The following C10orf71 variants were observed in gnomAD, a reference collection of about 807,000 sequenced individuals.
The protein encoded by C10orf71 is chromosome 10 open reading frame 71.
For missense variants in C10orf71, 1,869 were observed against 1,804.5 expected (o/e 1.04, Z -0.65); for synonymous variants, 758 against 726.3 (o/e 1.04, Z -0.70).
intron 1 of C10orf71, among the ~76,000 whole-genome samples, chr10:49,299,841 C>T (rs1350178826): frequency 6.6e-6 from 1 of 152,172 alleles, no homozygotes; most frequent in Non-Finnish European, 1.5e-5. Context: ...TCCCCCAGCG[C>T]TGGGCCAGGC....
chr10:49,319,920 A>T (rs541318392), intron 2 of C10orf71, among the ~76,000 whole-genome samples: 1 of 152,054 alleles, frequency 6.6e-6, no homozygotes, highest in African/African-American at 2.4e-5. Context: ...TTGCACTTTT[A>T]TGAGCTTCCT....
chr10:49,314,431 A>G (rs1221393241), intron 1 of C10orf71, among the ~76,000 whole-genome samples: 2 of 152,190 alleles, frequency 1.3e-5, no homozygotes, highest in Non-Finnish European at 2.9e-5. Flanking sequence ...AAAGTGCTCT[A>G]TGAGCAAGAA....
Position 49,323,076 on chromosome 10 carries a change from T to C in C10orf71, c.531T>C (p.Ala177=). 2 of 1,613,924 alleles carry C rather than the reference T, an allele frequency of 1.2e-6. No individual in the cohort carries two copies. Among genetic ancestry groups the C allele is most frequent in the South Asian group, 1.1e-5 (1 of 91,082 alleles). Residue 177 remains alanine, a synonymous_variant, in exon 3 of 3, where the codon GCT becomes GCC. Coordinates refer to ENST00000374144, the MANE Select transcript of C10orf71 (RefSeq NM_001135196.2). ...CTCTGAAAAATCCTCCCAAATTCGC[T>C]CCTCTTCCAGAAAACAGTGTCAACT... The part of the protein sequence containing the change: ...PPALKNPPKF[A]PLPENSVNFC...
chr10:49,304,820 T>A (rs1452082154), intron 1 of C10orf71, among the ~76,000 whole-genome samples: 26 of 152,196 alleles, frequency 1.7e-4, no homozygotes, highest in Admixed American at 1.7e-3. Flanking sequence ...AGCCCTCAAG[T>A]GGGCTTCTGT....
chr10:49,322,268 T>C (rs1260183670), intron 2 of C10orf71, 134 bp from the exon 3 acceptor site: 4 of 365,574 alleles, frequency 1.1e-5, no homozygotes, highest in South Asian at 7.8e-5. Flanking sequence ...GTCTACAGTC[T>C]ATACATATAG....
At chr10:49,315,774 G>A (rs748975954) in intron 1 of C10orf71, among the ~76,000 whole-genome samples, 1 of 152,140 alleles carries the variant, frequency 6.6e-6, no homozygotes, top group Non-Finnish European at 1.5e-5. Flanking sequence ...AGATACTTTG[G>A]GTCAGGCATG....
chr10:49,325,832 C>A lies in C10orf71; in HGVS notation c.3287C>A (p.Ala1096Asp). ...PELLPEEPNQ[A>D]SPWASSSPAR... ...CTGCTTCCCGAGGAGCCTAATCAAG[C>A]CAGCCCCTGGGCCAGCTCCAGTCCT... Residue 1096 changes from alanine (A) to aspartate (D), a missense_variant, in exon 3 of 3, where the codon GCC becomes GAC. Coordinates refer to ENST00000374144, the MANE Select transcript of C10orf71 (RefSeq NM_001135196.2). The A allele has an allele frequency of 3.2e-6, 5 of 1,551,430 alleles. No individual in the cohort carries two copies. The highest frequency in any genetic ancestry group is 4.4e-6 in the Non-Finnish European group (5 of 1,146,858).
At chr10:49,319,829 G>T (rs558188391) in intron 2 of C10orf71, among the ~76,000 whole-genome samples, 2 of 151,076 alleles carry the variant, frequency 1.3e-5, no homozygotes, top group South Asian at 4.2e-4. Flanking sequence ...TGAAATTCTG[G>T]CACATGCTAC....
Position 49,326,091 on chromosome 10 carries a change from G to A in C10orf71, c.3546G>A (p.Arg1182=), listed in dbSNP as rs761482748. The change falls in exon 3 of 3, where the codon CGG becomes CGA. Residue 1182 remains arginine (R), a synonymous_variant. Coordinates refer to ENST00000374144, the MANE Select transcript of C10orf71 (RefSeq NM_001135196.2). Reference sequence around the variant, plus strand: ...CACCCAAAACAGAGAAAGCCCTGCGGCGGGCAAAGAAGCTGGCAAGTAAGA... The same window carrying A: ...CACCCAAAACAGAGAAAGCCCTGCGACGGGCAAAGAAGCTGGCAAGTAAGA... The part of the protein sequence containing the change: ...AVPPKTEKAL[R]RAKKLASKRR... 37 of 1,551,626 alleles carry A rather than the reference G, an allele frequency of 2.4e-5. No individual in the cohort carries two copies.
chr10:49,322,850 T>C lies in C10orf71; in HGVS notation c.305T>C (p.Leu102Pro). Residue 102 changes from leucine (L) to proline (P), a missense_variant, in exon 3 of 3, where the codon CTA becomes CCA. Transcript: ENST00000374144. Reference sequence around the variant, plus strand: ...GGCTGGGCGGCCACCTTCCAACAGCTACCCAAGTACGTTCAGGGAGAGGAA... The same window carrying C: ...GGCTGGGCGGCCACCTTCCAACAGCCACCCAAGTACGTTCAGGGAGAGGAA... ...HSGWAATFQQLPKYVQGEEKY... is the reference protein window; with the variant it reads ...HSGWAATFQQPPKYVQGEEKY... 6.2e-7 allele frequency: 1 copy of C among 1,613,852 alleles called. No individual in the cohort carries two copies. The highest frequency in any genetic ancestry group is 8.5e-7 in the Non-Finnish European group (1 of 1,179,860).
rs1240156381 is a variant in C10orf71 at position 49,325,331 on chromosome 10, G to T, written c.2786G>T (p.Cys929Phe). The T allele has an allele frequency of 3.2e-6, 5 of 1,551,748 alleles. No homozygotes were observed. Among genetic ancestry groups the T allele is most frequent in the South Asian group, 1.2e-5 (1 of 84,062 alleles). The change falls in exon 3 of 3, where the codon TGC becomes TTC. Residue 929 changes from cysteine (C) to phenylalanine (F), a missense_variant. Transcript: ENST00000374144. ...AACACACGGGGCACACGTGTGAAGT[G>T]CATGGCCAACGAGGTCATGGAGGAC... ...PTNTRGTRVK[C>F]MANEVMEDPG...
At chr10:49,298,944 T>A (rs1482466296), upstream of C10orf71, 1 of 152,204 alleles carries the variant, frequency 6.6e-6, no homozygotes, top group South Asian at 2.1e-4. Context: ...AAACAAATGT[T>A]TTCCTTCCCA....
At chr10:49,298,308 C>G (rs749619650), upstream of C10orf71, among the ~76,000 whole-genome samples, 1 of 152,186 alleles carries the variant, frequency 6.6e-6, no homozygotes, top group Non-Finnish European at 1.5e-5. Flanking sequence ...AGGCCACAGT[C>G]AGGGAAGCAT....
At chr10:49,303,838 G>A (rs1293937919) in intron 1 of C10orf71, among the ~76,000 whole-genome samples, 1 of 152,222 alleles carries the variant, frequency 6.6e-6, no homozygotes, top group South Asian at 2.1e-4. Flanking sequence ...TTGCACTGCA[G>A]GAGCCTGTTC....
rs758654625 is a variant in C10orf71, at chr10:49,325,116, T to A, written c.2571T>A (p.Ile857=). Residue 857 remains isoleucine (I), a synonymous_variant, in exon 3 of 3, where the codon ATT becomes ATA. Coordinates refer to ENST00000374144, the MANE Select transcript of C10orf71 (RefSeq NM_001135196.2). Reference sequence around the variant, plus strand: ...CAAACAGGCACATGCTGTTTACGATTAAAGACAACACCCTCAGAGCTACCC... The same window carrying A: ...CAAACAGGCACATGCTGTTTACGATAAAAGACAACACCCTCAGAGCTACCC... The part of the protein sequence containing the change: ...SASNRHMLFT[I]KDNTLRATPV... 3 of 1,551,862 alleles carry A rather than the reference T, an allele frequency of 1.9e-6. No homozygotes were observed. The Admixed American group carries it at 5.9e-5, about 30-fold the overall frequency.
At position 49,326,202 on chromosome 10, in the gene C10orf71, A is replaced by T; in HGVS notation, c.3657A>T (p.Gln1219His). The T allele has an allele frequency of 1.3e-6, 2 of 1,551,330 alleles. 1 individual carries two copies. The highest frequency in any genetic ancestry group is 2.4e-5 in the South Asian group (2 of 84,064). ...CGGAGGACTTGGAGCAGACACAGCA[A>T]AGGCCGCTGTGCCCCAGAGAGAGGC... is the stretch of plus-strand genomic sequence containing the variant. ...PCPEDLEQTQQRPLCPRERPR... is the reference protein window; with the variant it reads ...PCPEDLEQTQHRPLCPRERPR... The change falls in exon 3 of 3, where the codon CAA becomes CAT. Residue 1219 changes from glutamine to histidine, a missense_variant. By Grantham distance (24) the Gln-to-His change is conservative. Transcript: ENST00000374144.
intron 2 of C10orf71, among the ~76,000 whole-genome samples, chr10:49,317,898 C>G (rs1326868875): frequency 2.0e-5 from 3 of 151,954 alleles, no homozygotes; most frequent in Non-Finnish European, 4.4e-5. Context: ...AAAATGTGGA[C>G]AGAGAGACAA....
At chr10:49,313,289 A>G (rs1322837334) in intron 1 of C10orf71, among the ~76,000 whole-genome samples, 2 of 152,296 alleles carry the variant, frequency 1.3e-5, no homozygotes, top group African/African-American at 4.8e-5. Flanking sequence ...ATGGAAGTAA[A>G]AAAGTCCAGG....
At chr10:49,312,312 T>A (rs941591244) in intron 1 of C10orf71, among the ~76,000 whole-genome samples, 2 of 152,184 alleles carry the variant, frequency 1.3e-5, no homozygotes, top group African/African-American at 4.8e-5. Flanking sequence ...TTTCCCCTAG[T>A]GTGCTCTGGT....
Sources: allele counts gnomAD v4.1 joint callset (sites outside exome capture counted in the v4.1 genomes callset), GRCh38; gene constraint gnomAD v4.1.1; transcripts MANE v1.5; gene names NCBI Gene and HGNC (gene_info 2026-07-23, HGNC 2026-07-21).